PSIP1: variants seen among roughly 807,000 people sequenced by gnomAD.
PSIP1 encodes the protein PC4 and SFRS1-interacting protein.
PSIP1 carries 19 observed loss-of-function variants against 74.7 expected under a neutral mutation model. The observed-to-expected ratio is 0.25, with a 90% CI of 0.18 to 0.37. PSIP1 has a LOEUF of 0.37. PSIP1 is among the 10% of genes least tolerant of loss of function. The pLI is 1.00. For synonymous variants in PSIP1, 222 were observed against 195.3 expected (o/e 1.14, Z -1.14); for missense variants, 601 against 614.3 (o/e 0.98, Z 0.23).
intron 3 of PSIP1, among the ~76,000 whole-genome samples, chr9:15,491,214 TAGC>T (rs2036816074): frequency 6.6e-6 from 1 of 152,350 alleles, no homozygotes; most frequent in South Asian, 2.1e-4. Flanking sequence ...TTCTCGCACT[TAGC>T]AACATGAAAG....
intron 3 of PSIP1, among the ~76,000 whole-genome samples, chr9:15,495,046 C>T (rs922156966): frequency 2.0e-5 from 3 of 151,900 alleles, no homozygotes; most frequent in African/African-American, 7.3e-5. Flanking sequence ...CTCTTAAAAC[C>T]AAACAAGGCA....
chr9:15,465,839 C>G (rs140044330), intron 15 of PSIP1: 8 of 366,108 alleles, frequency 2.2e-5, no homozygotes, highest in African/African-American at 1.0e-4. Context: ...ATGGACCAAG[C>G]CCTTTCCATC....
chr9:15,468,571 A>G, intron 14 of PSIP1, 59 bp downstream of exon 14: 1 of 1,542,880 alleles, frequency 6.5e-7, no homozygotes, highest in Non-Finnish European at 9.0e-7. Context: ...CATTTTTAAA[A>G]GCAGTCCTGG....
intron 9 of PSIP1, among the ~76,000 whole-genome samples, chr9:15,472,986 T>C (rs1310738931): frequency 6.6e-6 from 1 of 152,234 alleles, no homozygotes; most frequent in African/African-American, 2.4e-5. Flanking sequence ...GTCCTTTGGA[T>C]AAAATATAGT....
Position 15,510,284 on chromosome 9 carries a change from G to A in PSIP1, c.-96C>T, listed in dbSNP as rs1282862655. 4 of 1,028,208 alleles carry A rather than the reference G, an allele frequency of 3.9e-6. No homozygotes were observed. Among genetic ancestry groups the A allele is most frequent in the African/African-American group, 3.4e-5 (2 of 59,664 alleles). 63.7% of individuals were successfully genotyped at this position (1,028,208 alleles called of 1,614,324 possible). ...GCGGCGGACGCGGGCCCAGCTACCG[G>A]GCCCGCGGGCGGGGGAGGATGCCTC... On this transcript the variant is annotated 5_prime_UTR_variant, in exon 2 of 16. Coordinates refer to ENST00000380733, the MANE Select transcript of PSIP1 (RefSeq NM_033222.5).
At chr9:15,474,281 A>G (rs2035980568) in intron 8 of PSIP1, 44 bp from the exon 9 acceptor site, 2 of 1,484,852 alleles carry the variant, frequency 1.3e-6, no homozygotes, top group Non-Finnish European at 1.8e-6. Context: ...ATTCAACTAT[A>G]ATAGTATTTT....
chr9:15,497,325 CTTT>C (rs767922897), intron 3 of PSIP1, among the ~76,000 whole-genome samples: 19 of 118,518 alleles, frequency 1.6e-4, no homozygotes, highest in South Asian at 1.3e-3. Context: ...TCTATGATTC[CTTT>C]TTTTTTTTTT....
chr9:15,479,220 C>T (rs556141086), intron 7 of PSIP1, among the ~76,000 whole-genome samples: 11 of 152,150 alleles, frequency 7.2e-5, no homozygotes, highest in African/African-American at 1.4e-4. Flanking sequence ...CAATAAAGAA[C>T]GCACAAATTT....
rs548902280 is a variant in PSIP1, at chr9:15,500,397, A to G, written c.149+6164T>C. Among the ~76,000 whole-genome samples the G allele has an allele frequency of 2.0e-5, 3 of 152,226 alleles. No homozygotes were observed. In the South Asian group the frequency reaches 6.2e-4, roughly 32 times the overall value. ...GGAGAATGACATGAACCCAGGAGGC[A>G]GACCTTGCTTTGAGCGGAGATTGCG... On this transcript the variant is annotated intron_variant, in intron 3 of 15. Transcript: ENST00000380733.
Position 15,469,959 on chromosome 9 carries a change from T to C in PSIP1, c.1012A>G (p.Lys338Glu). The C allele has an allele frequency of 1.2e-6, 2 of 1,608,180 alleles. No individual in the cohort carries two copies. Among genetic ancestry groups the C allele is most frequent in the South Asian group, 1.1e-5 (1 of 90,992 alleles). Residue 338 changes from lysine to glutamate, a missense_variant, in exon 11 of 16, where the codon AAG (lysine) becomes GAG (glutamate). By Grantham distance (56) the Lys-to-Glu change is moderately conservative. This residue lies in a region of PSIP1 where 538 missense variants were observed against 507.6 expected (regional missense o/e 1.06). Coordinates refer to ENST00000380733, the MANE Select transcript of PSIP1 (RefSeq NM_033222.5). ...NKDEGKKPEV[K>E]KVEKKRETSM... Reference sequence around the variant, plus strand: ...TAACCTCGCTTCTTCTCCACTTTCTTAACTTCTGGCTTCTTTCCTTCATCT... The same window carrying C: ...TAACCTCGCTTCTTCTCCACTTTCTCAACTTCTGGCTTCTTTCCTTCATCT...
intron 2 of PSIP1, among the ~76,000 whole-genome samples, chr9:15,508,757 G>A (rs185104890): frequency 3.0e-4 from 46 of 152,248 alleles, no homozygotes; most frequent in African/African-American, 1.0e-3. Context: ...ATATACTACG[G>A]ACTATGGAGG....
intron 4 of PSIP1, among the ~76,000 whole-genome samples, chr9:15,488,780 G>A (rs1280982576): frequency 1.3e-5 from 2 of 152,070 alleles, no homozygotes; most frequent in Admixed American, 6.6e-5. Context: ...CCAACACTCT[G>A]GGGGGCCGAG....
At chr9:15,506,432 G>T in intron 3 of PSIP1, 129 bp downstream of exon 3, 1 of 603,496 alleles carries the variant, frequency 1.7e-6, no homozygotes, top group Non-Finnish European at 2.8e-6. Flanking sequence ...GAGACTTAAA[G>T]ACTCTTTCCA....
Position 15,468,721 on chromosome 9 carries a change from A to G in PSIP1, c.1329T>C (p.Ser443=). The change falls in exon 14 of 16, where the codon TCT becomes TCC. Residue 443 remains serine, a synonymous_variant. Transcript: ENST00000380733. The part of the protein sequence containing the change: ...DSVITQVLNK[S]LAEQRQHEEA... ...CCTCATGCTGTCTTTGTTCAGCAAG[A>G]GATTTATTCAGCACTTGGGTGATCA... 6.2e-7 allele frequency: 1 copy of G among 1,614,132 alleles called. No homozygotes were observed. The highest frequency in any genetic ancestry group is 8.5e-7 in the Non-Finnish European group (1 of 1,180,008).
chr9:15,501,659 T>C (rs2037349603), intron 3 of PSIP1, among the ~76,000 whole-genome samples: 1 of 151,976 alleles, frequency 6.6e-6, no homozygotes, highest in African/African-American at 2.4e-5. Flanking sequence ...TTTGATTCAC[T>C]GCTAATGTTA....
In PSIP1 at chr9:15,490,067, G is replaced by A. The variant is rs367930298; in HGVS notation, c.207C>T (p.Gly69=). 4 of 1,604,190 alleles carry A rather than the reference G, an allele frequency of 2.5e-6. No individual in the cohort carries two copies. In the South Asian group the frequency reaches 4.5e-5, roughly 18 times the overall value. The change falls in exon 4 of 16, where the codon GGC becomes GGT. Residue 69 remains glycine, a synonymous_variant. Transcript: ENST00000380733. ...FPYSENKEKY[G]KPNKRKGFNE... The stretch of plus-strand genomic sequence containing the variant: ...TAAAACCTTTTCTTTTATTTGGTTT[G>A]CCATACTTTTCCTTATTTTCTGAGT...
intron 3 of PSIP1, among the ~76,000 whole-genome samples, chr9:15,502,661 G>A (rs2132220068): frequency 6.6e-6 from 1 of 152,310 alleles, no homozygotes; most frequent in African/African-American, 2.4e-5. Flanking sequence ...CATTTGAAAG[G>A]CAAAGAACAA....
intron 4 of PSIP1, among the ~76,000 whole-genome samples, chr9:15,489,070 G>A (rs2036704136): frequency 6.6e-6 from 1 of 152,040 alleles, no homozygotes; most frequent in Non-Finnish European, 1.5e-5. Context: ...CAAAGGAGAA[G>A]TAAGAGAACC....
At chr9:15,494,143 G>C (rs867384211) in intron 3 of PSIP1, among the ~76,000 whole-genome samples, 5 of 152,238 alleles carry the variant, frequency 3.3e-5, no homozygotes, top group Admixed American at 6.5e-5. Flanking sequence ...ACTATCATTA[G>C]ATACATATCA....
Sources: allele counts gnomAD v4.1 joint callset (sites outside exome capture counted in the v4.1 genomes callset), GRCh38; gene constraint gnomAD v4.1.1; regional missense constraint gnomAD v4.1.1; transcripts MANE v1.5; gene names NCBI Gene and HGNC (gene_info 2026-07-23, HGNC 2026-07-21).